The following PBX3 variants were observed in gnomAD, a reference collection of about 807,000 sequenced individuals.
PBX3 encodes PBX homeobox 3.
In PBX3, 14 loss-of-function variants were observed where a neutral mutation model predicts 48.5. That is an observed-to-expected ratio of 0.29 (90% CI 0.19 to 0.45). The LOEUF (loss-of-function observed/expected upper bound fraction) is 0.45. Among genes scored for constraint, PBX3 ranks in the 20% least tolerant of loss-of-function variants. The pLI is 1.00. For synonymous variants in PBX3, 210 were observed against 200.3 expected, an observed-to-expected ratio of 1.05 and a Z score of -0.41; for missense variants, 386 against 546.7, an observed-to-expected ratio of 0.71 and a Z score of 2.93.
chr9:125,780,698 C>T (rs1837256371), intron 2 of PBX3, among the ~76,000 whole-genome samples: 2 of 108,876 alleles, frequency 1.8e-5, no homozygotes, highest in South Asian at 6.6e-4. Context: ...GGGCTGACCA[C>T]CCCCACCTCC....
At chr9:125,816,409 A>G (rs934585555) in intron 2 of PBX3, among the ~76,000 whole-genome samples, 1 of 152,250 alleles carries the variant, frequency 6.6e-6, no homozygotes, top group Non-Finnish European at 1.5e-5. Flanking sequence ...CAGAAGATCC[A>G]GAGCGATGCT....
At chr9:125,796,822 A>G (rs1203372699) in intron 2 of PBX3, among the ~76,000 whole-genome samples, 1 of 152,124 alleles carries the variant, frequency 6.6e-6, no homozygotes, top group Non-Finnish European at 1.5e-5. Context: ...TAAGGACTAT[A>G]GTTAATGAGA....
intron 2 of PBX3, among the ~76,000 whole-genome samples, chr9:125,779,982 A>G (rs1412556342): frequency 3.9e-5 from 5 of 127,996 alleles, no homozygotes; most frequent in African/African-American, 1.5e-4. Flanking sequence ...GGCCGGGCAG[A>G]GGGGCTCCTC....
At chr9:125,853,248 T>C (rs1468267669) in intron 2 of PBX3, among the ~76,000 whole-genome samples, 1 of 152,196 alleles carries the variant, frequency 6.6e-6, no homozygotes, top group East Asian at 1.9e-4. Context: ...CAAATTAAGG[T>C]CTCACTGATT....
At chr9:125,757,374 T>TTA in intron 2 of PBX3, among the ~76,000 whole-genome samples, 1 of 151,740 alleles carries the variant, frequency 6.6e-6, no homozygotes. Flanking sequence ...GAAATTGATT[T>TTA]TATATTTATT....
intron 2 of PBX3, among the ~76,000 whole-genome samples, chr9:125,782,464 A>G (rs935469546): frequency 1.3e-5 from 2 of 150,990 alleles, no homozygotes; most frequent in Non-Finnish European, 3.0e-5. Flanking sequence ...CTCCTTTACA[A>G]CTCCATTTTT....
At chr9:125,784,393 T>A (rs763595315) in intron 2 of PBX3, among the ~76,000 whole-genome samples, 3 of 152,204 alleles carry the variant, frequency 2.0e-5, no homozygotes, top group Admixed American at 6.5e-5. Context: ...CCTCTTAAAG[T>A]GCTGGGATTA....
rs774400728 is a variant in PBX3, at chr9:125,962,227, C to T, written c.1122+13C>T. The T allele has an allele frequency of 9.0e-6, 13 of 1,446,474 alleles. No individual in the cohort carries two copies. In the East Asian group the frequency reaches 2.9e-4, roughly 33 times the overall value. The allele number at this position is 1,446,474 out of a possible 1,614,324, so 89.6% of individuals were successfully genotyped here. A position where few individuals can be genotyped will look rare whatever the true frequency, so the allele number is the denominator to read the frequency against. On this transcript the variant is annotated intron_variant, in intron 7 of 8. Transcript: ENST00000373489. ...TGTGCAATCACAGGTAGGAGAAATGCCCCAGTGGGGCCTTTCTAGCAGGGT... is the reference window on the plus strand; with the variant it reads ...TGTGCAATCACAGGTAGGAGAAATGTCCCAGTGGGGCCTTTCTAGCAGGGT...
At chr9:125,751,750 G>C (rs1836381061) in intron 2 of PBX3, among the ~76,000 whole-genome samples, 1 of 152,148 alleles carries the variant, frequency 6.6e-6, no homozygotes, top group Non-Finnish European at 1.5e-5. Context: ...TTTTTCTCCT[G>C]ATTTTTAAAG....
At chr9:125,879,721 T>C (rs1263002778) in intron 2 of PBX3, among the ~76,000 whole-genome samples, 2 of 152,216 alleles carry the variant, frequency 1.3e-5, no homozygotes, top group African/African-American at 4.8e-5. Flanking sequence ...AATATTAAGC[T>C]ATTACTTCAA....
chr9:125,894,968 T>C (rs1456563394), intron 2 of PBX3, among the ~76,000 whole-genome samples: 3 of 152,152 alleles, frequency 2.0e-5, no homozygotes, highest in Admixed American at 2.0e-4. Flanking sequence ...TCTCTATAAA[T>C]AATTTTTCAG....
intron 2 of PBX3, among the ~76,000 whole-genome samples, chr9:125,872,514 C>T (rs1376471142): frequency 6.6e-6 from 1 of 152,132 alleles, no homozygotes; most frequent in East Asian, 1.9e-4. Context: ...AAAAGCATTT[C>T]TAGGTTGGGC....
At chr9:125,897,141 GTTTTTTTT>G (rs371641194) in intron 2 of PBX3, among the ~76,000 whole-genome samples, 30 of 108,934 alleles carry the variant, frequency 2.8e-4, no homozygotes, top group Non-Finnish European at 4.4e-4. Context: ...TTCATTTGTG[GTTTTTTTT>G]TTTTTTTTTT....
chr9:125,927,761 G>A (rs1443125784), intron 3 of PBX3, among the ~76,000 whole-genome samples: 1 of 152,194 alleles, frequency 6.6e-6, no homozygotes, highest in African/African-American at 2.4e-5. Context: ...AGATGAAGTT[G>A]GATGCAGTGG....
At chr9:125,849,721 C>T (rs182797344) in intron 2 of PBX3, among the ~76,000 whole-genome samples, 3 of 151,990 alleles carry the variant, frequency 2.0e-5, no homozygotes, top group Non-Finnish European at 4.4e-5. Context: ...ATTTTGGCAA[C>T]ACCCTAAATA....
intron 4 of PBX3, among the ~76,000 whole-genome samples, chr9:125,932,761 A>G (rs908959257): frequency 2.0e-5 from 3 of 152,162 alleles, no homozygotes; most frequent in Admixed American, 6.5e-5. Flanking sequence ...ATGCATGCTT[A>G]TTTTTTAAAT....
In PBX3 at chr9:125,835,015, CAAAAAAAAAAAAAAAAAAAAA is replaced by C. The variant is rs745638368; in HGVS notation, c.275-80655_275-80635del. Reference sequence around the variant, plus strand: ...CTCGGTGACGAGCAAAACTCTGTCTCAAAAAAAAAAAAAAAAAAAAAAAAAAAAAAAAAAAAGGGCAAAAGA... The same window carrying C: ...CTCGGTGACGAGCAAAACTCTGTCTCAAAAAAAAAAAAAAAGGGCAAAAGA... On this transcript the variant is annotated intron_variant, in intron 2 of 8. Coordinates refer to ENST00000373489, the MANE Select transcript of PBX3 (RefSeq NM_006195.6). Among the ~76,000 whole-genome samples, 16 of 25,174 alleles carry C rather than the reference CAAAAAAAAAAAAAAAAAAAAA, an allele frequency of 6.4e-4. No individual in the cohort carries two copies. In the East Asian group the frequency reaches 0.013, roughly 21 times the overall value. The allele number at this position is 25,174 out of a possible 152,430, so 16.5% of individuals were successfully genotyped here.
intron 2 of PBX3, among the ~76,000 whole-genome samples, chr9:125,828,447 C>T (rs1329396162): frequency 6.6e-6 from 1 of 152,182 alleles, no homozygotes; most frequent in Non-Finnish European, 1.5e-5. Flanking sequence ...GGAATGAATA[C>T]AGCTCTTCTG....
At chr9:125,863,173 C>G (rs1490928338) in intron 2 of PBX3, among the ~76,000 whole-genome samples, 1 of 151,398 alleles carries the variant, frequency 6.6e-6, no homozygotes, top group South Asian at 2.1e-4. Context: ...GCTGGAATTA[C>G]AGGCATGAGC....
Sources: allele counts gnomAD v4.1 joint callset (sites outside exome capture counted in the v4.1 genomes callset), GRCh38; gene constraint gnomAD v4.1.1; transcripts MANE v1.5; gene names NCBI Gene and HGNC (gene_info 2026-07-23, HGNC 2026-07-21).